ZBTB20: variants seen among roughly 807,000 people sequenced by gnomAD.
ZBTB20 encodes zinc finger and BTB domain containing 20, also known as zinc finger and BTB domain-containing protein 20.
In ZBTB20, 9 loss-of-function variants were observed where a neutral mutation model predicts 56.9. The ratio of observed to expected loss-of-function variants is 0.16; its 90% CI spans 0.10 to 0.28. ZBTB20 has a LOEUF of 0.28. Ranked by LOEUF, ZBTB20 falls within the 10% of genes least tolerant of loss-of-function variation. ZBTB20 has a pLI of 1.00. For synonymous variants in ZBTB20, 417 were observed against 420.7 expected, an observed-to-expected ratio of 0.99 and a Z score of 0.11; for missense variants, 655 against 1,003.0, an observed-to-expected ratio of 0.65 and a Z score of 4.69.
At chr3:114,753,421 A>ATATATATACACACACG in intron 5 of ZBTB20, among the ~76,000 whole-genome samples, 4 of 142,140 alleles carry the variant, frequency 2.8e-5, no homozygotes, top group African/African-American at 7.9e-5. Flanking sequence ...ACGTATATAT[A>ATATATATACACACACG]TATATATATA....
rs2070473207 is a variant in ZBTB20 at position 114,786,201 on chromosome 3, G to A, written c.-343+14900C>T. 2.0e-5 allele frequency among the ~76,000 whole-genome samples: 3 copies of A among 151,676 alleles called. No homozygotes were observed. The South Asian group carries it at 6.3e-4, about 32-fold the overall frequency. Reference sequence around the variant, plus strand: ...ATACATGTGCAGAACTTTCAGGTTTGTTACATAGGTATACACGTGCCATGG... The same window carrying A: ...ATACATGTGCAGAACTTTCAGGTTTATTACATAGGTATACACGTGCCATGG... On this transcript the variant is annotated intron_variant, in intron 5 of 11. Coordinates refer to ENST00000675478, the MANE Select transcript of ZBTB20 (RefSeq NM_001348800.3).
chr3:114,544,463 TTCTTTC>T (rs1229541422), intron 6 of ZBTB20, among the ~76,000 whole-genome samples: 4 of 120,916 alleles, frequency 3.3e-5, no homozygotes, highest in Non-Finnish European at 5.3e-5. Flanking sequence ...CTTTCTTTCT[TTCTTTC>T]TTTCTTTCTT....
At chr3:114,618,683 G>C (rs767446826) in intron 6 of ZBTB20, among the ~76,000 whole-genome samples, 16 of 152,084 alleles carry the variant, frequency 1.1e-4, no homozygotes, top group Non-Finnish European at 2.4e-4. Flanking sequence ...AAGTTGAATG[G>C]GTTACTATTA....
At chr3:114,788,417 T>C (rs1023289161) in intron 5 of ZBTB20, among the ~76,000 whole-genome samples, 1 of 152,196 alleles carries the variant, frequency 6.6e-6, no homozygotes, top group Non-Finnish European at 1.5e-5. Flanking sequence ...TCTAGGAATT[T>C]GACTATACTA....
intron 6 of ZBTB20, among the ~76,000 whole-genome samples, chr3:114,561,369 C>T (rs372178188): frequency 4.9e-4 from 75 of 152,040 alleles, no homozygotes; most frequent in African/African-American, 1.5e-3. Context: ...TTGCCTATGT[C>T]GATGATAGAA....
At chr3:115,064,539 CCTCCCG>C (rs1389775604) in intron 2 of ZBTB20, among the ~76,000 whole-genome samples, 1 of 150,412 alleles carries the variant, frequency 6.6e-6, no homozygotes, top group Admixed American at 6.6e-5. Context: ...GCAACCTCCG[CCTCCCG>C]GGTTCAAGTG....
At chr3:115,028,507 T>G (rs1041023567) in intron 2 of ZBTB20, among the ~76,000 whole-genome samples, 13 of 150,730 alleles carry the variant, frequency 8.6e-5, no homozygotes, top group Admixed American at 2.0e-4. Flanking sequence ...TCTTTTTACT[T>G]TTTAAAAATG....
At chr3:114,800,294 CTGT>C (rs2108837874) in intron 5 of ZBTB20, among the ~76,000 whole-genome samples, 1 of 151,962 alleles carries the variant, frequency 6.6e-6, no homozygotes, top group Admixed American at 6.6e-5. Flanking sequence ...CTATAAGCTT[CTGT>C]TTTCTTACCC....
chr3:115,017,620 A>G (rs2080026497), intron 2 of ZBTB20, among the ~76,000 whole-genome samples: 2 of 151,606 alleles, frequency 1.3e-5, no homozygotes, highest in Non-Finnish European at 3.0e-5. Flanking sequence ...CTACCTATTG[A>G]GGAAGTATGT....
chr3:114,781,378 A>T (rs1316614820), intron 5 of ZBTB20, among the ~76,000 whole-genome samples: 1 of 152,196 alleles, frequency 6.6e-6, no homozygotes, highest in Non-Finnish European at 1.5e-5. Context: ...GTTACTTCTA[A>T]TATGTACAAG....
intron 6 of ZBTB20, among the ~76,000 whole-genome samples, chr3:114,501,395 G>A (rs2043939471): frequency 6.6e-6 from 1 of 152,104 alleles, no homozygotes; most frequent in African/African-American, 2.4e-5. Context: ...GGAGGCCAAG[G>A]TGGGTGGATC....
At position 114,838,117 on chromosome 3, in the gene ZBTB20, T is replaced by C. The variant is rs573400888; in HGVS notation, c.-416-36943A>G. Reference sequence around the variant, plus strand: ...TAAAATATAAAGAGTAGTTGTACCATACTGTCGGAGACCTAATGAGGCAAT... The same window carrying C: ...TAAAATATAAAGAGTAGTTGTACCACACTGTCGGAGACCTAATGAGGCAAT... On this transcript the variant is annotated intron_variant, in intron 4 of 11. Coordinates refer to ENST00000675478, the MANE Select transcript of ZBTB20 (RefSeq NM_001348800.3). Among the ~76,000 whole-genome samples, 3 of 152,286 alleles carry C rather than the reference T, an allele frequency of 2.0e-5. No homozygotes were observed. The South Asian group carries it at 6.2e-4, about 32-fold the overall frequency.
At chr3:114,568,445 G>A (rs1486003190) in intron 6 of ZBTB20, among the ~76,000 whole-genome samples, 1 of 152,158 alleles carries the variant, frequency 6.6e-6, no homozygotes, top group African/African-American at 2.4e-5. Flanking sequence ...AGCTAAAATT[G>A]CTATAAAATG....
intron 2 of ZBTB20, among the ~76,000 whole-genome samples, chr3:115,059,171 G>C (rs1390167279): frequency 1.3e-5 from 2 of 151,948 alleles, no homozygotes; most frequent in Non-Finnish European, 2.9e-5. Context: ...TTTTTCATTG[G>C]TAATTTTTTT....
chr3:114,924,490 T>C (rs1307060206), intron 3 of ZBTB20, among the ~76,000 whole-genome samples: 3 of 152,248 alleles, frequency 2.0e-5, no homozygotes, highest in Non-Finnish European at 2.9e-5. Context: ...TGATCTCACT[T>C]ACATGAAATC....
chr3:114,879,563 A>G (rs774428889), intron 4 of ZBTB20, among the ~76,000 whole-genome samples: 11 of 152,116 alleles, frequency 7.2e-5, no homozygotes, highest in Non-Finnish European at 1.6e-4. Flanking sequence ...CCCTTGCTCC[A>G]TGAGGAAATG....
At chr3:114,923,668 G>C (rs765197172) in intron 3 of ZBTB20, among the ~76,000 whole-genome samples, 6 of 151,932 alleles carry the variant, frequency 3.9e-5, no homozygotes, top group Non-Finnish European at 7.4e-5. Context: ...AAGAGTTTTT[G>C]GATATTGACA....
intron 3 of ZBTB20, among the ~76,000 whole-genome samples, chr3:114,965,174 T>C (rs1231981965): frequency 6.6e-6 from 1 of 152,184 alleles, no homozygotes; most frequent in African/African-American, 2.4e-5. Flanking sequence ...CTTTTGAAAA[T>C]TCTCCCTTAG....
intron 6 of ZBTB20, among the ~76,000 whole-genome samples, chr3:114,646,062 A>C (rs184779748): frequency 4.0e-5 from 6 of 150,602 alleles, no homozygotes; most frequent in Non-Finnish European, 8.8e-5. Flanking sequence ...TTAGTCATTT[A>C]CTGAGTTCCT....
Sources: allele counts gnomAD v4.1 joint callset (sites outside exome capture counted in the v4.1 genomes callset), GRCh38; gene constraint gnomAD v4.1.1; transcripts MANE v1.5; gene names NCBI Gene and HGNC (gene_info 2026-07-23, HGNC 2026-07-21).